PPP2R3A: variants seen among roughly 807,000 people sequenced by gnomAD.
The protein encoded by PPP2R3A is protein phosphatase 2 regulatory subunit B''alpha, also known as serine/threonine-protein phosphatase 2A regulatory subunit B'' subunit alpha.
PPP2R3A carries 80 observed loss-of-function variants against 106.9 expected under a neutral mutation model. The ratio of observed to expected loss-of-function variants is 0.75; its 90% confidence interval spans 0.62 to 0.90. The LOEUF is 0.90. Among genes scored for constraint, PPP2R3A ranks in the 40% least tolerant of loss-of-function variants. The pLI, the probability that PPP2R3A is intolerant of heterozygous loss-of-function variation, is 0.00. For synonymous variants in PPP2R3A, 483 were observed against 468.3 expected, an observed-to-expected ratio of 1.03 and a Z score of -0.41; for missense variants, 1,386 against 1,350.4, an observed-to-expected ratio of 1.03 and a Z score of -0.41.
intron 13 of PPP2R3A, among the ~76,000 whole-genome samples, chr3:136,141,535 G>T (rs1938874015): frequency 6.6e-6 from 1 of 152,218 alleles, no homozygotes. Flanking sequence ...AAGAACAGAA[G>T]TAGGGAGACA....
At chr3:136,093,785 A>G (rs1211927751) in intron 10 of PPP2R3A, among the ~76,000 whole-genome samples, 1 of 152,252 alleles carries the variant, frequency 6.6e-6, no homozygotes, top group African/African-American at 2.4e-5. Context: ...GAACCCTCAT[A>G]CATTACAATA....
chr3:136,046,411 G>A (rs766993108), intron 4 of PPP2R3A, among the ~76,000 whole-genome samples: 27 of 151,468 alleles, frequency 1.8e-4, no homozygotes, highest in Non-Finnish European at 2.8e-4. Context: ...CCGAGGTTGC[G>A]CTGTTGCACT....
chr3:136,122,573 G>A (rs539756173), intron 13 of PPP2R3A, among the ~76,000 whole-genome samples: 10 of 152,216 alleles, frequency 6.6e-5, no homozygotes, highest in Non-Finnish European at 1.0e-4. Flanking sequence ...AGTTCAGACC[G>A]ATATTATTCA....
At chr3:136,056,755 A>G (rs1042095044) in intron 5 of PPP2R3A, among the ~76,000 whole-genome samples, 2 of 152,174 alleles carry the variant, frequency 1.3e-5, no homozygotes, top group Admixed American at 1.3e-4. Flanking sequence ...AAACTTCTGC[A>G]CAGTCAAGGA....
In PPP2R3A at chr3:135,985,352, C is replaced by T. The variant is rs140355117; in HGVS notation, c.-440-15707C>T. Among the ~76,000 whole-genome samples the T allele has an allele frequency of 1.7e-3, 250 of 148,896 alleles. 2 individuals are homozygous for T. Among genetic ancestry groups the T allele is most frequent in the Admixed American group, 2.2e-3 (33 of 14,960 alleles). On this transcript the variant is annotated intron_variant, in intron 1 of 13. Transcript: ENST00000264977. ...CTTTCTCTCTCTCTCTCTCTCTCCC[C>T]GCCCTCTTTCCCTCTCTCCCTTCCT...
At chr3:135,965,889 A>G (rs1363040407) in intron 1 of PPP2R3A, 40 bp downstream of exon 1, 1 of 148,130 alleles carries the variant, frequency 6.8e-6, no homozygotes, top group East Asian at 2.1e-4. Flanking sequence ...TGGAGCCTTC[A>G]GCTCCCTCGT....
intron 1 of PPP2R3A, among the ~76,000 whole-genome samples, chr3:135,990,775 C>A (rs1933127340): frequency 6.6e-6 from 1 of 152,016 alleles, no homozygotes; most frequent in Non-Finnish European, 1.5e-5. Context: ...CTTCTGAGGC[C>A]TTCTACCTGG....
intron 13 of PPP2R3A, among the ~76,000 whole-genome samples, chr3:136,111,825 A>C (rs567813939): frequency 6.6e-6 from 1 of 152,250 alleles, no homozygotes; most frequent in South Asian, 2.1e-4. Flanking sequence ...CTGATACTAA[A>C]ACCTGGCAGA....
chr3:135,971,944 C>T (rs1007626481), intron 1 of PPP2R3A, among the ~76,000 whole-genome samples: 7 of 151,992 alleles, frequency 4.6e-5, no homozygotes, highest in Non-Finnish European at 1.0e-4. Context: ...GAGTATAGTT[C>T]CTGGATTTGT....
intron 7 of PPP2R3A, among the ~76,000 whole-genome samples, chr3:136,081,124 C>T (rs1379899809): frequency 6.6e-6 from 1 of 152,048 alleles, no homozygotes; most frequent in Admixed American, 6.6e-5. Context: ...TCCCAAGTAG[C>T]TGGGATTACA....
At chr3:136,143,708 T>C in intron 13 of PPP2R3A, among the ~76,000 whole-genome samples, 1 of 152,006 alleles carries the variant, frequency 6.6e-6, no homozygotes, top group East Asian at 1.9e-4. Flanking sequence ...GGAGAATCAC[T>C]TGAACTTGGG....
intron 10 of PPP2R3A, among the ~76,000 whole-genome samples, chr3:136,096,605 C>T (rs1038121599): frequency 7.2e-4 from 109 of 152,328 alleles, no homozygotes; most frequent in Non-Finnish European, 1.3e-3. Context: ...TTTGTTATGC[C>T]TAAGGGCACT....
Position 136,002,575 on chromosome 3 carries a change from T to C in PPP2R3A, c.1077T>C (p.Asn359=). ...TTGAATTGCAAAATGACAAGCCTAA[T>C]TCTAGGAAGATGGACACTGTACAAT... is the stretch of plus-strand genomic sequence containing the variant. ...QTIELQNDKP[N]SRKMDTVQSI... The change falls in exon 2 of 14, where the codon AAT becomes AAC. Residue 359 remains asparagine, a synonymous_variant. Coordinates refer to ENST00000264977, the MANE Select transcript of PPP2R3A (RefSeq NM_002718.5). The C allele has an allele frequency of 6.2e-7, 1 of 1,613,962 alleles. No individual in the cohort carries two copies. Among genetic ancestry groups the C allele is most frequent in the Non-Finnish European group, 8.5e-7 (1 of 1,179,868 alleles).
intron 1 of PPP2R3A, among the ~76,000 whole-genome samples, chr3:135,976,398 G>A (rs775833590): frequency 1.3e-5 from 2 of 152,198 alleles, no homozygotes; most frequent in Non-Finnish European, 2.9e-5. Flanking sequence ...AAAAAGGCTG[G>A]CTCTCTTGAG....
At chr3:135,992,335 A>G (rs1262517654) in intron 1 of PPP2R3A, among the ~76,000 whole-genome samples, 4 of 152,142 alleles carry the variant, frequency 2.6e-5, no homozygotes, top group East Asian at 3.9e-4. Flanking sequence ...AATTTTCTAC[A>G]GTTTTTTTCT....
chr3:136,066,365 A>G (rs1470346353), intron 5 of PPP2R3A, among the ~76,000 whole-genome samples: 1 of 152,248 alleles, frequency 6.6e-6, no homozygotes, highest in East Asian at 1.9e-4. Context: ...TAGCTTCAAG[A>G]TGAATGATAA....
intron 2 of PPP2R3A, among the ~76,000 whole-genome samples, chr3:136,006,770 A>G (rs553777163): frequency 6.6e-6 from 1 of 152,378 alleles, no homozygotes; most frequent in South Asian, 2.1e-4. Flanking sequence ...GAATTCAGCA[A>G]GAGACTATAT....
chr3:135,992,053 TTA>T (rs1209620130), intron 1 of PPP2R3A, among the ~76,000 whole-genome samples: 3 of 152,142 alleles, frequency 2.0e-5, no homozygotes, highest in African/African-American at 7.2e-5. Context: ...TTAATTTTAT[TTA>T]TTTTATTTTT....
intron 1 of PPP2R3A, among the ~76,000 whole-genome samples, chr3:135,992,333 A>G (rs1933203337): frequency 3.3e-5 from 5 of 152,172 alleles, no homozygotes; most frequent in Admixed American, 3.3e-4. Flanking sequence ...ACAATTTTCT[A>G]CAGTTTTTTT....
Sources: allele counts gnomAD v4.1 joint callset (sites outside exome capture counted in the v4.1 genomes callset), GRCh38; gene constraint gnomAD v4.1.1; transcripts MANE v1.5; gene names NCBI Gene and HGNC (gene_info 2026-07-23, HGNC 2026-07-21).